SYNE1: variants seen among roughly 807,000 people sequenced by gnomAD.
The protein encoded by SYNE1 is nesprin-1.
SYNE1 carries 616 observed loss-of-function variants against 1,111.0 expected under a neutral mutation model. The ratio of observed to expected loss-of-function variants is 0.55; its 90% CI spans 0.52 to 0.59. The LOEUF is 0.59. Among genes scored for constraint, SYNE1 ranks in the 20% least tolerant of loss-of-function variants. The pLI is 0.00. For missense variants in SYNE1, 10,006 were observed against 10,417.0 expected, an observed-to-expected ratio of 0.96 and a Z score of 1.72; for synonymous variants, 3,855 against 3,825.8, an observed-to-expected ratio of 1.01 and a Z score of -0.28.
chr6:152,415,663 A>G (rs2098139729), intron 41 of SYNE1, among the ~76,000 whole-genome samples: 1 of 152,030 alleles, frequency 6.6e-6, no homozygotes, highest in Admixed American at 6.6e-5. Flanking sequence ...ATCAGTAAAA[A>G]AATTGTTTAA....
rs150179494 is a variant in SYNE1 at position 152,344,136 on chromosome 6, G to A, written c.12170C>T (p.Pro4057Leu). 4.6e-4 allele frequency: 735 copies of A among 1,614,186 alleles called. 1 individual carries two copies. The African/African-American group carries it at 8.2e-3, about 18-fold the overall frequency. The change falls in exon 74 of 146, where the codon CCG becomes CTG. Residue 4057 changes from proline (P) to leucine (L), a missense_variant. By Grantham distance (98) the Pro-to-Leu change is moderately conservative. This residue lies in a region of SYNE1 where 4,955 missense variants were observed against 5,017.2 expected (regional missense o/e 0.99). Coordinates refer to ENST00000367255, the MANE Select transcript of SYNE1 (RefSeq NM_182961.4). Reference sequence around the variant, plus strand: ...TGGTTGAGGACTTGGCTCTAAATCCGGCTGGACTGCAGAAAGCCAGGCCTG... The same window carrying A: ...TGGTTGAGGACTTGGCTCTAAATCCAGCTGGACTGCAGAAAGCCAGGCCTG... ...QCQAWLSAVQPDLEPSPQPPL... is the reference protein window; with the variant it reads ...QCQAWLSAVQLDLEPSPQPPL...
rs78618557 is a variant in SYNE1 at position 152,510,584 on chromosome 6, G to T, written c.403-213C>A. Among the ~76,000 whole-genome samples the T allele has an allele frequency of 4.2e-3, 634 of 152,130 alleles. 4 individuals are homozygous for T. Among genetic ancestry groups the T allele is most frequent in the African/African-American group, 0.015 (602 of 41,492 alleles). On this transcript the variant is annotated intron_variant, in intron 7 of 145. Coordinates refer to ENST00000367255, the MANE Select transcript of SYNE1 (RefSeq NM_182961.4). Reference sequence around the variant, plus strand: ...ATCTTACATACAATAATCCATATTTGTAGAATACATGAATGAATTAATCAA... The same window carrying T: ...ATCTTACATACAATAATCCATATTTTTAGAATACATGAATGAATTAATCAA...
At chr6:152,363,300 C>T (rs893037825) in intron 63 of SYNE1, among the ~76,000 whole-genome samples, 28 of 148,726 alleles carry the variant, frequency 1.9e-4, no homozygotes, top group Non-Finnish European at 3.9e-4. Context: ...CAAGGCCATC[C>T]TGGCTAACAC....
intron 3 of SYNE1, among the ~76,000 whole-genome samples, chr6:152,556,593 C>A (rs187361427): frequency 6.6e-6 from 1 of 152,314 alleles, no homozygotes; most frequent in African/African-American, 2.4e-5. Context: ...CCTCCACAGA[C>A]CCAGTCTCCA....
intron 56 of SYNE1, chr6:152,380,399 C>A: frequency 6.5e-6 from 1 of 153,968 alleles, no homozygotes; most frequent in Non-Finnish European, 1.4e-5. Flanking sequence ...TTCGGTCTCC[C>A]TTGTAGGCTT....
At chr6:152,268,431 C>T (rs1007725216) in intron 99 of SYNE1, among the ~76,000 whole-genome samples, 3 of 150,090 alleles carry the variant, frequency 2.0e-5, no homozygotes, top group Non-Finnish European at 3.0e-5. Context: ...AAAATTTTGC[C>T]GGGCAATAGT....
chr6:152,529,153 T>A (rs547932286), intron 4 of SYNE1, among the ~76,000 whole-genome samples: 25 of 152,340 alleles, frequency 1.6e-4, no homozygotes, highest in African/African-American at 6.0e-4. Context: ...TCCTATTTTA[T>A]TATCTTTCTC....
At chr6:152,414,949 C>A (rs1013853880) in intron 41 of SYNE1, among the ~76,000 whole-genome samples, 7 of 152,062 alleles carry the variant, frequency 4.6e-5, no homozygotes, top group Non-Finnish European at 7.4e-5. Flanking sequence ...AAGGGTATAA[C>A]CTCAGGAGCC....
chr6:152,302,661 A>C (rs184228178), intron 91 of SYNE1, among the ~76,000 whole-genome samples: 163 of 151,850 alleles, frequency 1.1e-3, no homozygotes, highest in African/African-American at 3.5e-3. Context: ...TTGACCCCCC[A>C]AAAAAATTTT....
At chr6:152,349,602 G>T (rs1339540826) in intron 72 of SYNE1, among the ~76,000 whole-genome samples, 1 of 152,190 alleles carries the variant, frequency 6.6e-6, no homozygotes, top group South Asian at 2.1e-4. Context: ...AGTTCAACGC[G>T]AGGATTCAAC....
chr6:152,459,023 T>A, intron 21 of SYNE1, 93 bp from the exon 22 acceptor site: 1 of 1,084,002 alleles, frequency 9.2e-7, no homozygotes, highest in Middle Eastern at 2.7e-4. Flanking sequence ...TTTTCTTTAG[T>A]GACATGATCA....
intron 3 of SYNE1, among the ~76,000 whole-genome samples, chr6:152,625,552 T>C (rs2099684074): frequency 6.6e-6 from 1 of 152,198 alleles, no homozygotes; most frequent in Non-Finnish European, 1.5e-5. Context: ...TAGTGATAAG[T>C]ATCTAGTGCT....
At chr6:152,175,463 C>T (rs139229871) in intron 130 of SYNE1, among the ~76,000 whole-genome samples, 17 of 152,304 alleles carry the variant, frequency 1.1e-4, no homozygotes, top group African/African-American at 4.1e-4. Flanking sequence ...ATTTTAAAAG[C>T]GTATTGTGGG....
rs575531888 is a variant in SYNE1, at chr6:152,207,909, C to T, written c.22824+63G>A. 2.2e-5 allele frequency: 34 copies of T among 1,557,718 alleles called. 1 individual carries two copies. The highest frequency in any genetic ancestry group is 1.7e-4 in the Middle Eastern group (1 of 5,838). Reference sequence around the variant, plus strand: ...CTAGAGTCCTTTTGAAAAACCGAGGCGAAGGTAAAGTGTGCGGTGGAAATG... The same window carrying T: ...CTAGAGTCCTTTTGAAAAACCGAGGTGAAGGTAAAGTGTGCGGTGGAAATG... On this transcript the variant is annotated intron_variant, in intron 125 of 145. Transcript: ENST00000367255.
At chr6:152,302,648 A>C (rs1455456158) in intron 91 of SYNE1, among the ~76,000 whole-genome samples, 1 of 152,198 alleles carries the variant, frequency 6.6e-6, no homozygotes, top group Non-Finnish European at 1.5e-5. Flanking sequence ...TTTTTAATGC[A>C]GATTGACCCC....
chr6:152,155,507 C>T (rs891008241), intron 132 of SYNE1: 4 of 327,352 alleles, frequency 1.2e-5, no homozygotes, highest in Admixed American at 4.5e-5. Flanking sequence ...AGAGCACAGC[C>T]ATGATGATCA....
intron 5 of SYNE1, among the ~76,000 whole-genome samples, chr6:152,522,684 C>A (rs1240189904): frequency 6.6e-6 from 1 of 152,038 alleles, no homozygotes; most frequent in Admixed American, 6.6e-5. Context: ...AGTGTATAAG[C>A]GTTCCCTTTA....
chr6:152,229,387 T>C (rs1474529501), intron 115 of SYNE1, among the ~76,000 whole-genome samples: 1 of 152,128 alleles, frequency 6.6e-6, no homozygotes, highest in Non-Finnish European at 1.5e-5. Flanking sequence ...TGTCCCTGAG[T>C]CACTGGAAAA....
chr6:152,614,197 G>A (rs7453342), intron 3 of SYNE1, among the ~76,000 whole-genome samples: 108,567 of 151,776 alleles, frequency 0.72, 38,904 homozygotes, highest in East Asian at 0.81. Flanking sequence ...GAGTGAACAG[G>A]CAACCTACAG....
Sources: gnomAD v4.1 joint callset for allele counts (sites outside exome capture counted in the v4.1 genomes callset) on GRCh38, gnomAD v4.1.1 for gene constraint, gnomAD v4.1.1 regional missense constraint, MANE v1.5 for transcripts, NCBI Gene and HGNC (gene_info 2026-07-23, HGNC 2026-07-21) for gene names.